Variants in MTERF1 observed in about 807,000 individuals in gnomAD.
MTERF1 encodes the protein transcription termination factor 1, mitochondrial.
MTERF1 carries 29 observed loss-of-function variants against 31.6 expected under a neutral mutation model. The ratio of observed to expected loss-of-function variants is 0.92; its 90% confidence interval spans 0.68 to 1.25. The LOEUF (loss-of-function observed/expected upper bound fraction) is 1.25. Ranked by LOEUF, MTERF1 falls within the 50% of genes most tolerant of loss-of-function variation. The pLI, the probability that MTERF1 is intolerant of heterozygous loss-of-function variation, is 0.00. For missense variants in MTERF1, 500 were observed against 469.1 expected (o/e 1.07, Z -0.61); for synonymous variants, 152 against 164.1 (o/e 0.93, Z 0.57).
rs372379670 is a variant in MTERF1 at position 91,874,431 on chromosome 7, G to A, written c.363C>T (p.Ile121=). 12 of 1,613,838 alleles carry A rather than the reference G, an allele frequency of 7.4e-6. No homozygotes were observed. Among genetic ancestry groups the A allele is most frequent in the East Asian group, 2.2e-5 (1 of 44,886 alleles). ...GTGGATATCTTGATATGATGCTAGC[G>A]ATCACTTCTTTGCTAGCTCCTTTGG... ...LLSKGASKEV[I]ASIISRYPRA... is the part of the protein sequence containing the mutation. Residue 121 remains isoleucine (I), a synonymous_variant, in exon 3 of 3, where the codon ATC becomes ATT. Coordinates refer to ENST00000351870, the MANE Select transcript of MTERF1 (RefSeq NM_006980.5).
intron 2 of MTERF1, among the ~76,000 whole-genome samples, chr7:91,877,338 A>C (rs1271613597): frequency 6.6e-6 from 1 of 152,182 alleles, no homozygotes; most frequent in Non-Finnish European, 1.5e-5. Flanking sequence ...AAAGTAACAA[A>C]TCTATAAACG....
At chr7:91,874,912 C>G (rs1789305775) in intron 2 of MTERF1, 148 bp from the exon 3 acceptor site, 1 of 559,162 alleles carries the variant, frequency 1.8e-6, no homozygotes, top group Non-Finnish European at 3.1e-6. Context: ...AATTCAGCCA[C>G]TGCTGAATTA....
rs199603020 is a variant in MTERF1 at position 91,874,532 on chromosome 7, T to G, written c.262A>C (p.Met88Leu). Residue 88 changes from methionine to leucine, a missense_variant, in exon 3 of 3, where the codon ATG (methionine) becomes CTG (leucine). Coordinates refer to ENST00000351870, the MANE Select transcript of MTERF1 (RefSeq NM_006980.5). ...ACTCCAGGCTGTCGTTTCCTTGCCA[T>G]GTCAATATCTACTCCCATAGTAAGT... The part of the protein sequence containing the change: ...NLLTMGVDID[M>L]ARKRQPGVFH... 9 of 1,614,172 alleles carry G rather than the reference T, an allele frequency of 5.6e-6. No homozygotes were observed. In the Admixed American group the frequency reaches 1.5e-4, roughly 27 times the overall value.
intron 2 of MTERF1, among the ~76,000 whole-genome samples, chr7:91,876,220 G>A (rs934391930): frequency 5.3e-5 from 8 of 152,156 alleles, no homozygotes; most frequent in African/African-American, 1.4e-4. Context: ...TATTTTATGA[G>A]GAAAGCAACA....
chr7:91,873,748 G>A lies in MTERF1; in HGVS notation c.1046C>T (p.Pro349Leu), dbSNP rs1562842779. 2 of 1,613,896 alleles carry A rather than the reference G, an allele frequency of 1.2e-6. No individual in the cohort carries two copies. Among genetic ancestry groups the A allele is most frequent in the African/African-American group, 1.3e-5 (1 of 74,886 alleles). ...ACTTATGCTTGAATCCAGAACCCGA[G>A]GATTTTCGATTATTTGTGAAATGCT... Reference protein sequence around the residue: ...NISISQIIENPRVLDSSISTL... With the variant: ...NISISQIIENLRVLDSSISTL... The change falls in exon 3 of 3, where the codon CCT becomes CTT. Residue 349 changes from proline (P) to leucine (L), a missense_variant. By Grantham distance (98) the Pro-to-Leu change is moderately conservative. Coordinates refer to ENST00000351870, the MANE Select transcript of MTERF1 (RefSeq NM_006980.5).
At chr7:91,879,932 A>T in intron 2 of MTERF1, 123 bp downstream of exon 2, 2 of 1,122,838 alleles carry the variant, frequency 1.8e-6, no homozygotes, top group East Asian at 4.7e-5. Context: ...CTGCCCCACA[A>T]CTGGCCTGTT....
chr7:91,872,748 T>C lies in MTERF1; in HGVS notation c.*846A>G, dbSNP rs972559990. ...AATTTGTCTCACGTCTTTCAGTTTA[T>C]GTCAGAGCTAGATTGTATCTTGAAA... On this transcript the variant is annotated 3_prime_UTR_variant, in exon 3 of 3. Transcript: ENST00000351870. 20 of 152,218 alleles carry C rather than the reference T, an allele frequency of 1.3e-4. No individual in the cohort carries two copies. Among genetic ancestry groups the C allele is most frequent in the African/African-American group, 4.6e-4 (19 of 41,454 alleles). The allele number at this position is 152,218 out of a possible 1,614,324, so 9.4% of individuals were successfully genotyped here. A position where few individuals can be genotyped will look rare whatever the true frequency, so the allele number is the denominator to read the frequency against.
chr7:91,878,393 T>C (rs757283061), intron 2 of MTERF1, among the ~76,000 whole-genome samples: 2 of 152,170 alleles, frequency 1.3e-5, no homozygotes, highest in Non-Finnish European at 2.9e-5. Context: ...GAAACAGTAA[T>C]TAATAATATT....
chr7:91,872,446 T>C lies in MTERF1; in HGVS notation c.*1148A>G, dbSNP rs1423952354. On this transcript the variant is annotated 3_prime_UTR_variant, in exon 3 of 3. Coordinates refer to ENST00000351870, the MANE Select transcript of MTERF1 (RefSeq NM_006980.5). ...AACATTAACACAAGTTACTCAGGAATGGTGCCCAGATACATCACTCTAAAG... is the reference window on the plus strand; with the variant it reads ...AACATTAACACAAGTTACTCAGGAACGGTGCCCAGATACATCACTCTAAAG... The C allele has an allele frequency of 6.6e-6, 1 of 152,230 alleles. No individual in the cohort carries two copies. The highest frequency in any genetic ancestry group is 1.9e-4 in the East Asian group (1 of 5,202). The allele number at this position is 152,230 out of a possible 1,614,324, so 9.4% of individuals were successfully genotyped here.
intron 2 of MTERF1, chr7:91,877,025 T>G: frequency 1.5e-6 from 1 of 669,248 alleles, no homozygotes; most frequent in Non-Finnish European, 1.8e-6. Flanking sequence ...AGAAAATAGT[T>G]AAAACTACAA....
chr7:91,873,663 G>A lies in MTERF1; in HGVS notation c.1131C>T (p.Asn377=), dbSNP rs763317019. 10 of 1,613,960 alleles carry A rather than the reference G, an allele frequency of 6.2e-6. No homozygotes were observed. Among genetic ancestry groups the A allele is most frequent in the Non-Finnish European group, 8.5e-6 (10 of 1,179,964 alleles). Reference sequence around the variant, plus strand: ...TTTTACTCCAAGATAGAAGAGTGATGTTTAAAGTACTCAAGTTACAGCCAG... The same window carrying A: ...TTTTACTCCAAGATAGAAGAGTGATATTTAAAGTACTCAAGTTACAGCCAG... ...VNAGCNLSTL[N]ITLLSWSKKR... Residue 377 remains asparagine, a synonymous_variant, in exon 3 of 3, where the codon AAC becomes AAT. Coordinates refer to ENST00000351870, the MANE Select transcript of MTERF1 (RefSeq NM_006980.5).
intron 2 of MTERF1, among the ~76,000 whole-genome samples, chr7:91,879,262 G>A (rs557427817): frequency 6.6e-6 from 1 of 152,126 alleles, no homozygotes; most frequent in South Asian, 2.1e-4. Context: ...AATAAATTGT[G>A]GTACATCTAT....
intron 2 of MTERF1, among the ~76,000 whole-genome samples, chr7:91,876,197 T>C (rs1043265796): frequency 2.6e-5 from 4 of 152,234 alleles, no homozygotes; most frequent in Non-Finnish European, 1.5e-5. Flanking sequence ...TGAGCATCTC[T>C]ATTTATAAGA....
At position 91,873,507 on chromosome 7, in the gene MTERF1, C is replaced by T; in HGVS notation, c.*87G>A. On this transcript the variant is annotated 3_prime_UTR_variant, in exon 3 of 3. Coordinates refer to ENST00000351870, the MANE Select transcript of MTERF1 (RefSeq NM_006980.5). ...CTCCCCATCTCAAGGCCCTTAATAA[C>T]ATTTTAAATTAATCACTTCTGCAAA... 1 of 1,149,896 alleles carries T rather than the reference C, an allele frequency of 8.7e-7. No homozygotes were observed. The highest frequency in any genetic ancestry group is 2.6e-5 in the East Asian group (1 of 38,970). The allele number at this position is 1,149,896 out of a possible 1,614,324, so 71.2% of individuals were successfully genotyped here. A position where few individuals can be genotyped will look rare whatever the true frequency, so the allele number is the denominator to read the frequency against.
Position 91,874,743 on chromosome 7 carries a change from G to A in MTERF1, c.51C>T (p.Tyr17=). ...GGTTTCCTGGTGCCATAATGGTTAG[G>A]TAGTTCAAACCTTTTGAAATGCTGT... is the stretch of plus-strand genomic sequence containing the variant. The part of the protein sequence containing the change: ...GQTSISKGLN[Y]LTIMAPGNLW... Residue 17 remains tyrosine, a synonymous_variant, in exon 3 of 3, where the codon TAC becomes TAT. Transcript: ENST00000351870. 12 of 1,608,612 alleles carry A rather than the reference G, an allele frequency of 7.5e-6. No individual in the cohort carries two copies. The highest frequency in any genetic ancestry group is 1.0e-5 in the Non-Finnish European group (12 of 1,177,764).
In MTERF1 at chr7:91,873,101, T is replaced by C. The variant is rs538711055; in HGVS notation, c.*493A>G. 1 of 152,738 alleles carries C rather than the reference T, an allele frequency of 6.5e-6. No individual in the cohort carries two copies. Among genetic ancestry groups the C allele is most frequent in the African/African-American group, 2.4e-5 (1 of 41,590 alleles). The allele number at this position is 152,738 out of a possible 1,614,324, so 9.5% of individuals were successfully genotyped here. A position where few individuals can be genotyped will look rare whatever the true frequency, so the allele number is the denominator to read the frequency against. On this transcript the variant is annotated 3_prime_UTR_variant, in exon 3 of 3. Transcript: ENST00000351870. ...ATAATGCAACTAATCATCTACTTAG[T>C]TGCTATGTTAATCTATTTGCTTCTT...
intron 2 of MTERF1, among the ~76,000 whole-genome samples, chr7:91,879,260 G>A: frequency 6.6e-6 from 1 of 152,104 alleles, no homozygotes; most frequent in East Asian, 1.9e-4. Flanking sequence ...TTAATAAATT[G>A]TGGTACATCT....
chr7:91,871,545 T>C lies in MTERF1; in HGVS notation c.*2049A>G, dbSNP rs1305008981. ...TGCCAAAAAAAATGAAATACTAATA[T>C]GTGCTACATGGATGAACCTTGAAAA... On this transcript the variant is annotated 3_prime_UTR_variant, in exon 3 of 3. Coordinates refer to ENST00000351870, the MANE Select transcript of MTERF1 (RefSeq NM_006980.5). 1 of 152,226 alleles carries C rather than the reference T, an allele frequency of 6.6e-6. No individual in the cohort carries two copies. Among genetic ancestry groups the C allele is most frequent in the Non-Finnish European group, 1.5e-5 (1 of 68,058 alleles). The allele number at this position is 152,226 out of a possible 1,614,324, so 9.4% of individuals were successfully genotyped here.
intron 2 of MTERF1, among the ~76,000 whole-genome samples, chr7:91,878,661 C>T (rs978034227): frequency 9.9e-5 from 15 of 152,002 alleles, no homozygotes; most frequent in African/African-American, 3.1e-4. Flanking sequence ...AAAGTGAGAC[C>T]CTTATTCTAC....
Sources: allele counts gnomAD v4.1 joint callset (sites outside exome capture counted in the v4.1 genomes callset), GRCh38; gene constraint gnomAD v4.1.1; transcripts MANE v1.5; gene names NCBI Gene and HGNC (gene_info 2026-07-23, HGNC 2026-07-21).